Variants in MYLK observed in about 807,000 individuals in gnomAD.
MYLK encodes myosin light chain kinase.
MYLK carries 106 observed loss-of-function variants against 203.4 expected under a neutral mutation model. That is an observed-to-expected ratio of 0.52 (90% CI 0.45 to 0.61). MYLK has a LOEUF of 0.61. Ranked by LOEUF, MYLK falls within the 20% of genes least tolerant of loss-of-function variation. MYLK has a pLI of 0.00. For missense variants in MYLK, 2,072 were observed against 2,442.3 expected (o/e 0.85, Z 3.20); for synonymous variants, 867 against 959.5 (o/e 0.90, Z 1.78).
At chr3:123,810,790 G>C (rs1194088523) in intron 3 of MYLK, among the ~76,000 whole-genome samples, 2 of 152,162 alleles carry the variant, frequency 1.3e-5, no homozygotes, top group Non-Finnish European at 2.9e-5. Context: ...TGCCCTGCCT[G>C]TCTCCCAAAG....
intron 23 of MYLK, 110 bp from the exon 24 acceptor site, chr3:123,657,538 A>G (rs762141312): frequency 1.5e-5 from 16 of 1,071,144 alleles, no homozygotes; most frequent in Admixed American, 6.1e-5. Context: ...ACCCAATCCA[A>G]AGTCCCTGGT....
intron 18 of MYLK, among the ~76,000 whole-genome samples, chr3:123,698,411 C>G (rs1196654682): frequency 1.3e-5 from 2 of 152,190 alleles, no homozygotes; most frequent in African/African-American, 4.8e-5. Context: ...CTGCATCCTG[C>G]CTGGAGAGAT....
chr3:123,831,343 C>T (rs1244218968), intron 3 of MYLK: 1 of 1,281,416 alleles, frequency 7.8e-7, no homozygotes, highest in Non-Finnish European at 1.0e-6. Flanking sequence ...GAATTCTGAC[C>T]AGCTAAGCCA....
At chr3:123,838,759 A>G (rs539240660) in intron 2 of MYLK, among the ~76,000 whole-genome samples, 1 of 152,294 alleles carries the variant, frequency 6.6e-6, no homozygotes, top group Admixed American at 6.5e-5. Context: ...ATTTTTAAAA[A>G]GAAGTATAAT....
At chr3:123,868,047 C>A (rs1021489787) in intron 2 of MYLK, among the ~76,000 whole-genome samples, 2 of 152,218 alleles carry the variant, frequency 1.3e-5, no homozygotes, top group Non-Finnish European at 2.9e-5. Flanking sequence ...TGGCTCCAAC[C>A]AGTCTAGGAT....
chr3:123,633,777 G>A (rs920959120), intron 29 of MYLK, among the ~76,000 whole-genome samples: 1 of 152,226 alleles, frequency 6.6e-6, no homozygotes, highest in African/African-American at 2.4e-5. Flanking sequence ...GGCTGTGGGG[G>A]CAGAAGGTTA....
intron 5 of MYLK, among the ~76,000 whole-genome samples, chr3:123,746,949 C>T (rs1371344995): frequency 3.3e-5 from 5 of 151,824 alleles, no homozygotes; most frequent in South Asian, 2.1e-4. Context: ...GAAGACAGTC[C>T]AAAAGAAATA....
rs373072694 is a variant in MYLK at position 123,661,201 on chromosome 3, C to T, written c.3985+2904G>A. On this transcript the variant is annotated intron_variant, in intron 23 of 33. Coordinates refer to ENST00000360304, the MANE Select transcript of MYLK (RefSeq NM_053025.4). ...TAGTGGTGATCGGAGGAGGGGAGTGCGTGGCACTGCGCAGGAGCTGGGCAT... is the reference window on the plus strand; with the variant it reads ...TAGTGGTGATCGGAGGAGGGGAGTGTGTGGCACTGCGCAGGAGCTGGGCAT... Among the ~76,000 whole-genome samples the T allele has an allele frequency of 5.9e-5, 9 of 152,192 alleles. No homozygotes were observed. In the East Asian group the frequency reaches 9.6e-4, roughly 16 times the overall value.
rs2066255349 is a variant in MYLK at position 123,829,642 on chromosome 3, T to TCAAAGGAGAA, written c.-4+1905_-4+1906insTTCTCCTTTG. ...AATGATAAATGTTTGCAATGATGGA[T>TCAAAGGAGAA]ATGCTAATTGCCCAGATCTGATCAC... On this transcript the variant is annotated intron_variant, in intron 3 of 33. Coordinates refer to ENST00000360304, the MANE Select transcript of MYLK (RefSeq NM_053025.4). Among the ~76,000 whole-genome samples the TCAAAGGAGAA allele has an allele frequency of 1.8e-4, 27 of 152,340 alleles. 1 individual carries two copies. In the South Asian group the frequency reaches 5.6e-3, roughly 32 times the overall value.
intron 13 of MYLK, among the ~76,000 whole-genome samples, chr3:123,711,098 A>G (rs1224962135): frequency 1.3e-5 from 2 of 152,092 alleles, no homozygotes; most frequent in Admixed American, 6.6e-5. Context: ...CTCAAAAAAA[A>G]AAAGGAAGAT....
intron 31 of MYLK, 88 bp from the exon 32 acceptor site, chr3:123,620,424 C>A: frequency 6.2e-7 from 1 of 1,602,646 alleles, no homozygotes; most frequent in African/African-American, 1.3e-5. Context: ...AGAGCCCAGC[C>A]CCAGAGAAGC....
At position 123,767,959 on chromosome 3, in the gene MYLK, T is replaced by G. The variant is rs142111165; in HGVS notation, c.166-15421A>C. 2.3e-3 allele frequency among the ~76,000 whole-genome samples: 353 copies of G among 152,314 alleles called. 1 individual carries two copies. Among genetic ancestry groups the G allele is most frequent in the African/African-American group, 8.1e-3 (337 of 41,582 alleles). ...GAGTCCTCTTCAGCCTAAGGGAGCC[T>G]GGACTCCTACCATCACCACTTGGCT... On this transcript the variant is annotated intron_variant, in intron 4 of 33. Transcript: ENST00000360304.
chr3:123,637,254 C>G (rs1251366252), intron 29 of MYLK, among the ~76,000 whole-genome samples: 1 of 152,196 alleles, frequency 6.6e-6, no homozygotes, highest in Non-Finnish European at 1.5e-5. Flanking sequence ...GGGACTAAAG[C>G]AGCCAGACCC....
Position 123,739,651 on chromosome 3 carries a change from C to T in MYLK, c.422+302G>A, listed in dbSNP as rs147034421. ...GTCTGTTACAGCAGCTACTGTTACC[C>T]GCCTCTTCTAGGCTTGCTTATTTCA... On this transcript the variant is annotated intron_variant, in intron 6 of 33. Transcript: ENST00000360304. Among the ~76,000 whole-genome samples, 498 of 152,314 alleles carry T rather than the reference C, an allele frequency of 3.3e-3. 1 individual carries two copies. Among genetic ancestry groups the T allele is most frequent in the Non-Finnish European group, 4.9e-3 (330 of 68,022 alleles).
intron 32 of MYLK, among the ~76,000 whole-genome samples, chr3:123,619,298 G>A (rs762996474): frequency 1.3e-5 from 2 of 152,188 alleles, no homozygotes; most frequent in African/African-American, 2.4e-5. Context: ...GGGAAAAGCT[G>A]TAACTTGGAG....
intron 3 of MYLK, among the ~76,000 whole-genome samples, chr3:123,795,065 GT>G (rs2064936064): frequency 6.6e-6 from 1 of 152,164 alleles, no homozygotes; most frequent in African/African-American, 2.4e-5. Context: ...TGAAATAAAA[GT>G]TTTTTAAGTG....
At chr3:123,807,372 T>G (rs2109205634) in intron 3 of MYLK, among the ~76,000 whole-genome samples, 1 of 151,412 alleles carries the variant, frequency 6.6e-6, no homozygotes, top group South Asian at 2.1e-4. Context: ...GAGGTTGCAG[T>G]GGGCTGAGAC....
chr3:123,831,299 C>T, intron 3 of MYLK: 1 of 1,148,872 alleles, frequency 8.7e-7, no homozygotes, highest in Non-Finnish European at 1.1e-6. Context: ...CTGGCTAGTT[C>T]CAATGATGAT....
intron 20 of MYLK, among the ~76,000 whole-genome samples, chr3:123,671,429 C>T (rs561735172): frequency 4.6e-5 from 7 of 152,228 alleles, no homozygotes; most frequent in African/African-American, 1.7e-4. Flanking sequence ...GTAAAGAAGC[C>T]GAGACACAGG....
Sources: allele counts gnomAD v4.1 joint callset (sites outside exome capture counted in the v4.1 genomes callset), GRCh38; gene constraint gnomAD v4.1.1; transcripts MANE v1.5; gene names NCBI Gene and HGNC (gene_info 2026-07-23, HGNC 2026-07-21).